Variants in C1orf21 observed in about 807,000 individuals in gnomAD.
The protein encoded by C1orf21 is chromosome 1 open reading frame 21.
A neutral mutation model predicts 18.7 loss-of-function variants in C1orf21; 3 were observed. The observed-to-expected ratio is 0.16, with a 90% CI of 0.07 to 0.42. The LOEUF (loss-of-function observed/expected upper bound fraction) is 0.42, where lower values mean the gene tolerates loss of function less well. C1orf21 is among the 10% of genes least tolerant of loss of function. The pLI is 0.99. For missense variants in C1orf21, 104 were observed against 143.6 expected, an observed-to-expected ratio of 0.72 and a Z score of 1.41; for synonymous variants, 41 against 46.4, an observed-to-expected ratio of 0.88 and a Z score of 0.47.
chr1:184,398,385 G>C (rs189570173), intron 1 of C1orf21, among the ~76,000 whole-genome samples: 1 of 152,102 alleles, frequency 6.6e-6, no homozygotes, highest in Non-Finnish European at 1.5e-5. Context: ...ACTGGAATCC[G>C]AGCGCTCCTA....
chr1:184,527,094 T>C (rs1323142964), intron 3 of C1orf21, among the ~76,000 whole-genome samples: 2 of 152,182 alleles, frequency 1.3e-5, no homozygotes, highest in Non-Finnish European at 2.9e-5. Flanking sequence ...TAAACTACCT[T>C]CAGCATCAAA....
At chr1:184,540,806 TTGG>T (rs67001886) in intron 3 of C1orf21, among the ~76,000 whole-genome samples, 4,166 of 152,282 alleles carry the variant, frequency 0.027, 179 homozygotes, top group African/African-American at 0.094. Context: ...GCCATGCAAT[TTGG>T]TGACTTTTTG....
chr1:184,522,706 G>T (rs1658321295), intron 3 of C1orf21, among the ~76,000 whole-genome samples: 1 of 152,152 alleles, frequency 6.6e-6, no homozygotes, highest in Non-Finnish European at 1.5e-5. Flanking sequence ...TTATTTTTGA[G>T]ACAGAGTCTC....
chr1:184,450,917 G>A lies in C1orf21; in HGVS notation c.-124-26469G>A, dbSNP rs550584910. Among the ~76,000 whole-genome samples the A allele has an allele frequency of 1.1e-4, 16 of 152,184 alleles. No homozygotes were observed. In the East Asian group the frequency reaches 1.2e-3, roughly 11 times the overall value. ...TTTCCTGACAGAATCTTCCTCTATC[G>A]CCCAGGCTGGAGTGCAGTGGCGCAA... On this transcript the variant is annotated intron_variant, in intron 1 of 5. Transcript: ENST00000235307.
intron 3 of C1orf21, among the ~76,000 whole-genome samples, chr1:184,564,858 A>G (rs548266653): frequency 6.6e-6 from 1 of 152,162 alleles, no homozygotes; most frequent in African/African-American, 2.4e-5. Context: ...TGCTGCTTAC[A>G]CGGCACACAG....
At chr1:184,571,870 CA>C (rs1659118285) in intron 3 of C1orf21, among the ~76,000 whole-genome samples, 1 of 151,758 alleles carries the variant, frequency 6.6e-6, no homozygotes, top group African/African-American at 2.4e-5. Flanking sequence ...CCCTCTTGAC[CA>C]GTAACTCTAT....
At chr1:184,390,372 G>A (rs892755686) in intron 1 of C1orf21, among the ~76,000 whole-genome samples, 1 of 152,214 alleles carries the variant, frequency 6.6e-6, no homozygotes, top group African/African-American at 2.4e-5. Context: ...GCTCTGAGCA[G>A]CACAGTGCTG....
chr1:184,622,207 G>C lies in C1orf21; in HGVS notation c.*2651G>C, dbSNP rs1030552658. ...TAGTTGTTATCTCTGTAGGGCTCAG[G>C]AAGCTGGAAGGAGGAAGGGAGGGTA... On this transcript the variant is annotated 3_prime_UTR_variant, in exon 6 of 6. Coordinates refer to ENST00000235307, the MANE Select transcript of C1orf21 (RefSeq NM_030806.4). The C allele has an allele frequency of 6.6e-6, 1 of 152,294 alleles. No homozygotes were observed. Among genetic ancestry groups the C allele is most frequent in the Non-Finnish European group, 1.5e-5 (1 of 68,096 alleles). 9.4% of individuals were successfully genotyped at this position (152,294 alleles called of 1,614,324 possible). A position where few individuals can be genotyped will look rare whatever the true frequency, so the allele number is the denominator to read the frequency against.
chr1:184,496,214 C>T (rs2101958637), intron 2 of C1orf21, among the ~76,000 whole-genome samples: 1 of 152,236 alleles, frequency 6.6e-6, no homozygotes, highest in East Asian at 1.9e-4. Context: ...CTGGGCTCTC[C>T]TCAGTTAAAA....
rs1659091405 is a variant in C1orf21, at chr1:184,570,318, T to C, written c.190-20421T>C. On this transcript the variant is annotated intron_variant, in intron 3 of 5. Coordinates refer to ENST00000235307, the MANE Select transcript of C1orf21 (RefSeq NM_030806.4). ...AATAATGTTTAATAAGTTTAAATTA[T>C]GTTAAATATGCTGAAATGTGTTAAA... is the stretch of plus-strand genomic sequence containing the variant. Among the ~76,000 whole-genome samples the C allele has an allele frequency of 3.3e-5, 5 of 152,208 alleles. 1 individual carries two copies. In the South Asian group the frequency reaches 1.0e-3, roughly 32 times the overall value.
intron 1 of C1orf21, among the ~76,000 whole-genome samples, chr1:184,469,270 A>G (rs1396060644): frequency 6.6e-6 from 1 of 152,106 alleles, no homozygotes; most frequent in East Asian, 1.9e-4. Flanking sequence ...CAAACGAACA[A>G]AAAAAACTAT....
At chr1:184,429,490 A>G (rs1656697120) in intron 1 of C1orf21, among the ~76,000 whole-genome samples, 1 of 152,212 alleles carries the variant, frequency 6.6e-6, no homozygotes, top group Non-Finnish European at 1.5e-5. Flanking sequence ...GCAGGCAGAC[A>G]GTTTTTGTAC....
chr1:184,615,277 GAA>G (rs1196435815), intron 5 of C1orf21, among the ~76,000 whole-genome samples: 1 of 152,142 alleles, frequency 6.6e-6, no homozygotes, highest in Non-Finnish European at 1.5e-5. Context: ...GGTGTGGTCG[GAA>G]AAATTTTGGT....
At chr1:184,510,741 A>C (rs1329715709) in intron 3 of C1orf21, among the ~76,000 whole-genome samples, 1 of 152,248 alleles carries the variant, frequency 6.6e-6, no homozygotes, top group African/African-American at 2.4e-5. Context: ...CAAGAGGCCT[A>C]AAATTAATGC....
intron 3 of C1orf21, among the ~76,000 whole-genome samples, chr1:184,562,965 G>C (rs768183690): frequency 7.2e-5 from 11 of 152,210 alleles, no homozygotes; most frequent in Non-Finnish European, 1.5e-4. Context: ...CATGACCAAA[G>C]TTGTGTCAGT....
chr1:184,405,682 C>T (rs1264248630), intron 1 of C1orf21, among the ~76,000 whole-genome samples: 3 of 152,174 alleles, frequency 2.0e-5, no homozygotes, highest in African/African-American at 4.8e-5. Context: ...ATTGTGACTT[C>T]CCAAAGTTGT....
At chr1:184,515,368 A>AC (rs768722614) in intron 3 of C1orf21, among the ~76,000 whole-genome samples, 8 of 152,198 alleles carry the variant, frequency 5.3e-5, no homozygotes, top group Non-Finnish European at 1.0e-4. Context: ...CTGCAAGTAG[A>AC]ATTATGACAT....
At chr1:184,422,944 G>A (rs1453104738) in intron 1 of C1orf21, among the ~76,000 whole-genome samples, 1 of 152,196 alleles carries the variant, frequency 6.6e-6, no homozygotes, top group Non-Finnish European at 1.5e-5. Flanking sequence ...CCTGTGGAGT[G>A]GTTCATACGC....
chr1:184,628,073 T>C lies in C1orf21; in HGVS notation c.*8517T>C, dbSNP rs1346561961. 1.3e-5 allele frequency: 2 copies of C among 152,190 alleles called. No homozygotes were observed. Among genetic ancestry groups the C allele is most frequent in the Admixed American group, 1.3e-4 (2 of 15,286 alleles). 9.4% of individuals were successfully genotyped at this position (152,190 alleles called of 1,614,324 possible). A position where few individuals can be genotyped will look rare whatever the true frequency, so the allele number is the denominator to read the frequency against. On this transcript the variant is annotated 3_prime_UTR_variant, in exon 6 of 6. Coordinates refer to ENST00000235307, the MANE Select transcript of C1orf21 (RefSeq NM_030806.4). ...TACGAGGCATCACCTCTCAATCAGG[T>C]CTGGGAGGTATCTTGGGGCATTGCT...
Sources: gnomAD v4.1 joint callset for allele counts (sites outside exome capture counted in the v4.1 genomes callset) on GRCh38, gnomAD v4.1.1 for gene constraint, MANE v1.5 for transcripts, NCBI Gene and HGNC (gene_info 2026-07-23, HGNC 2026-07-21) for gene names.